The following CHST15 variants were observed in gnomAD, a reference collection of about 807,000 sequenced individuals.
The protein encoded by CHST15 is B cell RAG associated protein (GALNAC4S-6ST).
A neutral mutation model predicts 53.6 loss-of-function variants in CHST15; 30 were observed. That is an observed-to-expected ratio of 0.56 (90% CI 0.42 to 0.76). The LOEUF is 0.76. CHST15 is among the 30% of genes least tolerant of loss of function. The probability of loss-of-function intolerance (pLI) is 0.00; values close to 1 mark genes in which losing one functional copy is unlikely to be tolerated. For synonymous variants in CHST15, 296 were observed against 289.8 expected, an observed-to-expected ratio of 1.02 and a Z score of -0.22; for missense variants, 627 against 740.5, an observed-to-expected ratio of 0.85 and a Z score of 1.78.
intron 1 of CHST15, among the ~76,000 whole-genome samples, chr10:124,086,660 C>T (rs550262484): frequency 2.7e-4 from 40 of 149,106 alleles, no homozygotes; most frequent in Non-Finnish European, 4.4e-4. Flanking sequence ...CTGCCTTCCT[C>T]CTCCTCCTCC....
At chr10:124,063,600 C>G (rs1341513939) in intron 1 of CHST15, among the ~76,000 whole-genome samples, 2 of 152,074 alleles carry the variant, frequency 1.3e-5, no homozygotes, top group Non-Finnish European at 2.9e-5. Context: ...TTTCTTTTCT[C>G]TTTTCCATTA....
At chr10:124,076,814 A>G (rs1441888421) in intron 1 of CHST15, among the ~76,000 whole-genome samples, 3 of 149,512 alleles carry the variant, frequency 2.0e-5, no homozygotes, top group African/African-American at 5.0e-5. Context: ...GGTTCACACC[A>G]TTCTCCTGCC....
At chr10:124,044,943 G>C in intron 2 of CHST15, 24 bp from the exon 3 acceptor site, 20 of 1,393,866 alleles carry the variant, frequency 1.4e-5, no homozygotes, top group Non-Finnish European at 1.6e-5. Context: ...GAGGAGGAGA[G>C]ACACAGAGGA....
rs367977834 is a variant in CHST15 at position 124,041,728 on chromosome 10, G to A, written c.1033+573C>T. On this transcript the variant is annotated intron_variant, in intron 4 of 7. Transcript: ENST00000435907. ...GTATGTTTACTTATAAAATATTCTT[G>A]TGAATATTTAAAACAAATTATTATT... 5.9e-5 allele frequency among the ~76,000 whole-genome samples: 9 copies of A among 152,292 alleles called. No individual in the cohort carries two copies. The South Asian group carries it at 1.9e-3, about 32-fold the overall frequency.
At chr10:124,045,255 A>C (rs887103438) in intron 2 of CHST15, among the ~76,000 whole-genome samples, 1 of 151,972 alleles carries the variant, frequency 6.6e-6, no homozygotes, top group Non-Finnish European at 1.5e-5. Context: ...GAATCTTTTT[A>C]CTAGTTGTAT....
intron 6 of CHST15, chr10:124,020,349 C>T (rs1339904538): frequency 1.0e-6 from 1 of 985,378 alleles, no homozygotes; most frequent in Non-Finnish European, 1.2e-6. Flanking sequence ...CTCCTCCTAC[C>T]TGGCACCAGA....
In CHST15 at chr10:124,010,212, C is replaced by T. The variant is rs61740008; in HGVS notation, c.1623G>A (p.Arg541=). 11,867 of 1,614,050 alleles carry T rather than the reference C, an allele frequency of 7.4e-3. 321 individuals are homozygous for T. The highest frequency in any genetic ancestry group is 0.061 in the African/African-American group (4,594 of 75,058). ...CCTGCGCCAGCCTAGCGTTGAAGGG[C>T]CTGTAGAAATCCCGCAGAATCTTCT... ...ITQKILRDFY[R]PFNARLAQVL... is the part of the protein sequence containing the mutation. Residue 541 remains arginine, a synonymous_variant, in exon 8 of 8, where the codon AGG becomes AGA. Coordinates refer to ENST00000435907, the MANE Select transcript of CHST15 (RefSeq NM_001270764.2).
Position 124,044,799 on chromosome 10 carries a change from T to C in CHST15, c.667A>G (p.Lys223Glu), listed in dbSNP as rs773753799. The change falls in exon 3 of 8, where the codon AAG (lysine) becomes GAG (glutamate). Residue 223 changes from lysine (K) to glutamate (E), a missense_variant. By Grantham distance (56) the Lys-to-Glu change is moderately conservative. Around this residue, in one of 3 missense-constraint regions of CHST15, gnomAD observed 161 missense variants for 117.2 expected, o/e 1.37. Coordinates refer to ENST00000435907, the MANE Select transcript of CHST15 (RefSeq NM_001270764.2). ...YLTNSYVLYSKRFRSTFDALR... is the reference protein window; with the variant it reads ...YLTNSYVLYSERFRSTFDALR... ...GCGTCGAAGGTGGAGCGGAAGCGCT[T>C]GGAGTAGAGCACGTAGGAGTTGGTG... 3.1e-6 allele frequency: 5 copies of C among 1,606,496 alleles called. No homozygotes were observed. In the Admixed American group the frequency reaches 5.1e-5, roughly 16 times the overall value.
chr10:124,083,595 C>A (rs1350323357), intron 1 of CHST15, among the ~76,000 whole-genome samples: 1 of 152,142 alleles, frequency 6.6e-6, no homozygotes, highest in Non-Finnish European at 1.5e-5. Context: ...TATCTAATTT[C>A]TCATAGAAAC....
chr10:124,031,751 A>T (rs922396020), intron 5 of CHST15, among the ~76,000 whole-genome samples: 1 of 152,198 alleles, frequency 6.6e-6, no homozygotes, highest in Non-Finnish European at 1.5e-5. Context: ...CGTTACTACA[A>T]ATATTAAGTC....
intron 1 of CHST15, among the ~76,000 whole-genome samples, chr10:124,085,068 C>T (rs1449122223): frequency 6.6e-6 from 1 of 152,222 alleles, no homozygotes; most frequent in African/African-American, 2.4e-5. Flanking sequence ...ATTTGGAAGA[C>T]TCTTTACATA....
At chr10:124,033,995 C>T (rs1947325478) in intron 5 of CHST15, among the ~76,000 whole-genome samples, 1 of 152,238 alleles carries the variant, frequency 6.6e-6, no homozygotes, top group Non-Finnish European at 1.5e-5. Flanking sequence ...AGCGTCCTAA[C>T]ACACGCTGCT....
At chr10:124,012,787 G>C (rs1333389886) in intron 6 of CHST15, among the ~76,000 whole-genome samples, 1 of 152,170 alleles carries the variant, frequency 6.6e-6, no homozygotes, top group Non-Finnish European at 1.5e-5. Context: ...GGCCACCAAT[G>C]GTGTACATGT....
At chr10:124,089,216 A>G (rs762799442) in intron 1 of CHST15, among the ~76,000 whole-genome samples, 1 of 152,190 alleles carries the variant, frequency 6.6e-6, no homozygotes, top group Non-Finnish European at 1.5e-5. Context: ...TGACTGAGTC[A>G]CTTCCAAATC....
chr10:124,046,101 T>C lies in CHST15; in HGVS notation c.112A>G (p.Lys38Glu). 1 of 1,614,258 alleles carries C rather than the reference T, an allele frequency of 6.2e-7. No individual in the cohort carries two copies. Among genetic ancestry groups the C allele is most frequent in the Non-Finnish European group, 8.5e-7 (1 of 1,180,048 alleles). The change falls in exon 2 of 8, where the codon AAA (lysine) becomes GAA (glutamate). Residue 38 changes from lysine to glutamate, a missense_variant. Transcript: ENST00000435907. ...CGAAACAGAATTTTGTTTTCTCCTT[T>C]GCACGTGGGGCACGCCTGGTGACCG... Reference protein sequence around the residue: ...HHGHQACPTCKGENKILFRVD... With the variant: ...HHGHQACPTCEGENKILFRVD...
Position 124,044,586 on chromosome 10 carries a change from G to T in CHST15, c.880C>A (p.Arg294Ser). 6.5e-7 allele frequency: 1 copy of T among 1,527,090 alleles called. No individual in the cohort carries two copies. The allele number at this position is 1,527,090 out of a possible 1,614,324, so 94.6% of individuals were successfully genotyped here. Reference sequence around the variant, plus strand: ...CCTGGGACCCAGCACTCACCAAAGCGCTTCCGGGTCCACCAGTGTGGCTCC... The same window carrying T: ...CCTGGGACCCAGCACTCACCAAAGCTCTTCCGGGTCCACCAGTGTGGCTCC... ...IKEPHWWTRK[R>S]FGIVRLRDGL... The change falls in exon 3 of 8, where the codon CGC (arginine) becomes AGC (serine). Residue 294 changes from arginine to serine, a missense_variant. By Grantham distance (110) the Arg-to-Ser change is moderately radical. Transcript: ENST00000435907.
intron 7 of CHST15, chr10:124,010,606 A>G (rs1291039305): frequency 1.0e-6 from 1 of 985,262 alleles, no homozygotes; most frequent in African/African-American, 1.7e-5. Context: ...ATGATGATAC[A>G]GCGTCTAAGG....
intron 1 of CHST15, among the ~76,000 whole-genome samples, chr10:124,078,854 G>C (rs1286528885): frequency 6.6e-6 from 1 of 152,204 alleles, no homozygotes; most frequent in Non-Finnish European, 1.5e-5. Context: ...ATGTCTGAGG[G>C]TTGCATAAGA....
chr10:124,028,973 C>T (rs953909743), intron 5 of CHST15, among the ~76,000 whole-genome samples: 8 of 152,060 alleles, frequency 5.3e-5, no homozygotes, highest in Non-Finnish European at 7.4e-5. Context: ...CAGGAGGACC[C>T]GAGATGGGGA....
Sources: gnomAD v4.1 joint callset for allele counts (sites outside exome capture counted in the v4.1 genomes callset) on GRCh38, gnomAD v4.1.1 for gene constraint, gnomAD v4.1.1 regional missense constraint, MANE v1.5 for transcripts, NCBI Gene and HGNC (gene_info 2026-07-23, HGNC 2026-07-21) for gene names.